PAAF1: variants seen among roughly 807,000 people sequenced by gnomAD.
The protein encoded by PAAF1 is proteasomal ATPase-associated factor 1.
PAAF1 carries 46 observed loss-of-function variants against 52.8 expected under a neutral mutation model. The ratio of observed to expected loss-of-function variants is 0.87; its 90% CI spans 0.69 to 1.11. The LOEUF is 1.11. PAAF1 is among the 50% of genes most tolerant of loss of function. The pLI is 0.00. For missense variants in PAAF1, 424 were observed against 477.4 expected, an observed-to-expected ratio of 0.89 and a Z score of 1.04; for synonymous variants, 178 against 172.8, an observed-to-expected ratio of 1.03 and a Z score of -0.24.
chr11:73,911,531 C>T (rs895273414), intron 7 of PAAF1, among the ~76,000 whole-genome samples: 1 of 151,808 alleles, frequency 6.6e-6, no homozygotes, highest in African/African-American at 2.4e-5. Context: ...TGTAATTTTT[C>T]ATTTCCCATT....
At chr11:73,914,314 C>A in intron 7 of PAAF1, 99 bp from the exon 8 acceptor site, 2 of 942,226 alleles carry the variant, frequency 2.1e-6, no homozygotes, top group South Asian at 2.8e-5. Flanking sequence ...ATAAGTGAAT[C>A]GCTAACAAAA....
chr11:73,898,262 G>A (rs1037474437), intron 4 of PAAF1, among the ~76,000 whole-genome samples: 2 of 151,474 alleles, frequency 1.3e-5, no homozygotes, highest in Non-Finnish European at 3.0e-5. Context: ...GAGAGGGAGA[G>A]GGAGAGGAAT....
chr11:73,909,769 A>G (rs1352444450), intron 7 of PAAF1, among the ~76,000 whole-genome samples, 176 bp downstream of exon 7: 2 of 152,152 alleles, frequency 1.3e-5, no homozygotes, highest in African/African-American at 2.4e-5. Context: ...TGGAATCTAC[A>G]AAGGAAGTAT....
Position 73,888,709 on chromosome 11 carries a change from T to C in PAAF1, c.192+1252T>C, listed in dbSNP as rs558966881. 6 of 180,482 alleles carry C rather than the reference T, an allele frequency of 3.3e-5. No individual in the cohort carries two copies. In the East Asian group the frequency reaches 4.2e-4, roughly 13 times the overall value. 11.2% of individuals were successfully genotyped at this position (180,482 alleles called of 1,614,324 possible). A position where few individuals can be genotyped will look rare whatever the true frequency, so the allele number is the denominator to read the frequency against. On this transcript the variant is annotated intron_variant, in intron 3 of 11. Coordinates refer to ENST00000310571, the MANE Select transcript of PAAF1 (RefSeq NM_025155.3). ...GTAGTAGGCTACATGTTATTATATATTTTATATTTGTTTTTCATAAACAGC... is the reference window on the plus strand; with the variant it reads ...GTAGTAGGCTACATGTTATTATATACTTTATATTTGTTTTTCATAAACAGC...
At position 73,927,652 on chromosome 11, in the gene PAAF1, A is replaced by G; in HGVS notation, c.*290A>G. 4.6e-6 allele frequency: 2 copies of G among 436,642 alleles called. No individual in the cohort carries two copies. The highest frequency in any genetic ancestry group is 8.2e-6 in the Non-Finnish European group (2 of 242,584). The allele number at this position is 436,642 out of a possible 1,614,324, so 27.0% of individuals were successfully genotyped here. ...GATGCTTTTAGTTTGTTCTTAAACCAGTTTTGTTAAATGTTTACAAGGACC... is the reference window on the plus strand; with the variant it reads ...GATGCTTTTAGTTTGTTCTTAAACCGGTTTTGTTAAATGTTTACAAGGACC... On this transcript the variant is annotated 3_prime_UTR_variant, in exon 12 of 12. Transcript: ENST00000310571.
rs572949598 is a variant in PAAF1, at chr11:73,924,193, G to A, written c.1019-422G>A. Among the ~76,000 whole-genome samples the A allele has an allele frequency of 1.0e-3, 154 of 152,228 alleles. 1 individual carries two copies. Among genetic ancestry groups the A allele is most frequent in the African/African-American group, 3.5e-3 (145 of 41,540 alleles). On this transcript the variant is annotated intron_variant, in intron 10 of 11. Transcript: ENST00000310571. ...ACATAGGCCGGGTATGGTGGCTCAC[G>A]CTTGTAATCCCAGCACCTTGGGAGG...
intron 4 of PAAF1, among the ~76,000 whole-genome samples, chr11:73,894,788 C>T (rs1370688352): frequency 6.6e-6 from 1 of 152,128 alleles, no homozygotes; most frequent in Non-Finnish European, 1.5e-5. Context: ...TGCGCCACTG[C>T]ACTCCAGCCT....
intron 2 of PAAF1, among the ~76,000 whole-genome samples, chr11:73,885,717 C>T: frequency 6.6e-6 from 1 of 151,646 alleles, no homozygotes; most frequent in East Asian, 2.0e-4. Flanking sequence ...TGGCACGTGC[C>T]TTTAATCCCA....
At chr11:73,904,634 A>G (rs926704444) in intron 6 of PAAF1, among the ~76,000 whole-genome samples, 26 of 150,590 alleles carry the variant, frequency 1.7e-4, no homozygotes, top group African/African-American at 6.3e-4. Flanking sequence ...TTCAAGGCTT[A>G]TTTTTTTTTC....
intron 10 of PAAF1, chr11:73,921,805 A>G (rs1950228186): frequency 8.7e-7 from 1 of 1,155,044 alleles, no homozygotes. Flanking sequence ...ATAGGCCCTC[A>G]TCACTTCATC....
At chr11:73,897,946 C>G (rs1002174158) in intron 4 of PAAF1, among the ~76,000 whole-genome samples, 2 of 152,062 alleles carry the variant, frequency 1.3e-5, no homozygotes, top group Non-Finnish European at 2.9e-5. Context: ...CTCGGGAGGC[C>G]GAGGCTGGCG....
At chr11:73,877,406 T>C (rs71464087) in intron 1 of PAAF1, 11,539 of 199,716 alleles carry the variant, frequency 0.058, 360 homozygotes, top group Middle Eastern at 0.089. Flanking sequence ...TCCAGAAGTC[T>C]CTGTACTCAC....
intron 4 of PAAF1, among the ~76,000 whole-genome samples, chr11:73,896,513 C>T (rs1407663394): frequency 6.6e-6 from 1 of 150,856 alleles, no homozygotes. Flanking sequence ...AAGGAGCATG[C>T]TGCCTTCAAG....
intron 10 of PAAF1, among the ~76,000 whole-genome samples, chr11:73,921,126 G>A (rs1439475919): frequency 3.3e-5 from 5 of 151,846 alleles, no homozygotes; most frequent in East Asian, 3.9e-4. Context: ...ATAGCGAAAC[G>A]CCATCTCTAC....
rs1950408928 is a variant in PAAF1 at position 73,928,251 on chromosome 11, A to G, written c.*889A>G. 6.6e-6 allele frequency: 1 copy of G among 152,282 alleles called. No homozygotes were observed. Among genetic ancestry groups the G allele is most frequent in the African/African-American group, 2.4e-5 (1 of 41,450 alleles). 9.4% of individuals were successfully genotyped at this position (152,282 alleles called of 1,614,324 possible). A position where few individuals can be genotyped will look rare whatever the true frequency, so the allele number is the denominator to read the frequency against. ...ACTGATCTAGAGGAAGAGATGGTGG[A>G]GGGCACTTTAGTCACAGCTGGAACC... is the stretch of plus-strand genomic sequence containing the variant. On this transcript the variant is annotated 3_prime_UTR_variant, in exon 12 of 12. Coordinates refer to ENST00000310571, the MANE Select transcript of PAAF1 (RefSeq NM_025155.3).
chr11:73,883,332 T>TATTA (rs1187028172), intron 2 of PAAF1, among the ~76,000 whole-genome samples: 2 of 152,156 alleles, frequency 1.3e-5, no homozygotes, highest in Admixed American at 6.5e-5. Flanking sequence ...ACTTTACATA[T>TATTA]ATTATTTCTA....
intron 2 of PAAF1, chr11:73,880,042 A>C (rs1391544082): frequency 6.6e-6 from 1 of 151,962 alleles, no homozygotes; most frequent in Non-Finnish European, 1.5e-5. Flanking sequence ...TGGGAGACAT[A>C]GGGAGACCTC....
intron 6 of PAAF1, among the ~76,000 whole-genome samples, chr11:73,902,046 G>A (rs1159487546): frequency 6.6e-6 from 1 of 151,604 alleles, no homozygotes; most frequent in Non-Finnish European, 1.5e-5. Flanking sequence ...GTATTTTTTA[G>A]TAGAGATGGG....
rs190350408 is a variant in PAAF1 at position 73,907,499 on chromosome 11, G to A, written c.533-1900G>A. 3.1e-4 allele frequency among the ~76,000 whole-genome samples: 47 copies of A among 152,302 alleles called. 1 individual carries two copies. Among genetic ancestry groups the A allele is most frequent in the Admixed American group, 3.1e-3 (47 of 15,292 alleles). On this transcript the variant is annotated intron_variant, in intron 6 of 11. Coordinates refer to ENST00000310571, the MANE Select transcript of PAAF1 (RefSeq NM_025155.3). ...ACTTGCATCACCTCATTGCCTTCTA[G>A]TGGCGTTATAAGCTTGGTTCCCTGC...
Sources: gnomAD v4.1 joint callset for allele counts (sites outside exome capture counted in the v4.1 genomes callset) on GRCh38, gnomAD v4.1.1 for gene constraint, MANE v1.5 for transcripts, NCBI Gene and HGNC (gene_info 2026-07-23, HGNC 2026-07-21) for gene names.